Variants in HPSE2 observed in about 807,000 individuals in gnomAD.
The protein encoded by HPSE2 is inactive heparanase-2.
HPSE2 carries 38 observed loss-of-function variants against 60.5 expected under a neutral mutation model. The ratio of observed to expected loss-of-function variants is 0.63; its 90% CI spans 0.48 to 0.82. The LOEUF is 0.82. HPSE2 is among the 40% of genes least tolerant of loss of function. The pLI is 0.00. For synonymous variants in HPSE2, 295 were observed against 293.2 expected, an observed-to-expected ratio of 1.01 and a Z score of -0.06; for missense variants, 713 against 740.4, an observed-to-expected ratio of 0.96 and a Z score of 0.43.
At chr10:99,286,225 T>A in the HPSE2 span, among the ~76,000 whole-genome samples, 1 of 152,228 alleles carries the variant, frequency 6.6e-6, no homozygotes, top group Admixed American at 6.5e-5. Flanking sequence ...CCACTTGTTA[T>A]ATATCCAAAT....
At chr10:98,523,975 T>C (rs1463950300) in intron 9 of HPSE2, among the ~76,000 whole-genome samples, 1 of 152,218 alleles carries the variant, frequency 6.6e-6, no homozygotes, top group East Asian at 1.9e-4. Context: ...CATAATATCA[T>C]AAAAGATTTC....
At position 99,019,670 on chromosome 10, in the gene HPSE2, C is replaced by T. The variant is rs184627229; in HGVS notation, c.610+124568G>A. Among the ~76,000 whole-genome samples the T allele has an allele frequency of 3.5e-3, 534 of 151,956 alleles. 4 individuals carry two copies. Among genetic ancestry groups the T allele is most frequent in the South Asian group, 8.5e-3 (41 of 4,808 alleles). ...GTGGTTTTCCCCCTCTCAAATACAA[C>T]GGCAGGTGTATTCCTTTTCAAAGAA... is the stretch of plus-strand genomic sequence containing the variant. On this transcript the variant is annotated intron_variant, in intron 3 of 11. Coordinates refer to ENST00000370552, the MANE Select transcript of HPSE2 (RefSeq NM_021828.5).
intron 9 of HPSE2, among the ~76,000 whole-genome samples, chr10:98,608,711 T>C (rs911645028): frequency 6.6e-6 from 1 of 152,192 alleles, no homozygotes; most frequent in African/African-American, 2.4e-5. Context: ...AGGCTGCACA[T>C]GGTGAAATCT....
At chr10:98,508,082 AT>A (rs1942260558) in intron 9 of HPSE2, among the ~76,000 whole-genome samples, 1 of 152,204 alleles carries the variant, frequency 6.6e-6, no homozygotes, top group African/African-American at 2.4e-5. Context: ...ATAAAAAAAA[AT>A]CCAAAGGAAG....
intron 3 of HPSE2, among the ~76,000 whole-genome samples, chr10:99,116,220 T>C (rs1844683822): frequency 6.6e-6 from 1 of 151,946 alleles, no homozygotes; most frequent in Non-Finnish European, 1.5e-5. Flanking sequence ...CTGATCTAGA[T>C]TCAAACTCTA....
chr10:99,158,965 T>C (rs528316871), intron 2 of HPSE2, among the ~76,000 whole-genome samples: 50 of 152,242 alleles, frequency 3.3e-4, no homozygotes, highest in African/African-American at 1.2e-3. Context: ...AGAGAGACTG[T>C]CAGATTGAGT....
At chr10:98,558,286 C>T (rs1172491307) in intron 9 of HPSE2, among the ~76,000 whole-genome samples, 4 of 152,116 alleles carry the variant, frequency 2.6e-5, no homozygotes, top group Admixed American at 6.5e-5. Flanking sequence ...TAGAAATGTA[C>T]GTATATGTTT....
intron 3 of HPSE2, among the ~76,000 whole-genome samples, chr10:98,899,047 GA>G (rs1463357238): frequency 1.1e-4 from 16 of 152,110 alleles, no homozygotes; most frequent in African/African-American, 2.4e-4. Flanking sequence ...AAAACTACAG[GA>G]AAAACTTTGT....
intron 3 of HPSE2, among the ~76,000 whole-genome samples, chr10:98,850,854 T>A (rs1193809796): frequency 6.6e-6 from 1 of 151,430 alleles, no homozygotes; most frequent in Non-Finnish European, 1.5e-5. Context: ...AAATGAGAAA[T>A]ATCAGAGACA....
rs2054450968 is a variant in HPSE2, at chr10:98,813,136, A to G, written c.611-69080T>C. 2.0e-5 allele frequency among the ~76,000 whole-genome samples: 3 copies of G among 152,186 alleles called. No individual in the cohort carries two copies. The South Asian group carries it at 6.2e-4, about 32-fold the overall frequency. ...AAGGATATTTCTATTACCCCCAATG[A>G]CCTTGCTTTCTTCCTCCCAGGAAAA... On this transcript the variant is annotated intron_variant, in intron 3 of 11. Coordinates refer to ENST00000370552, the MANE Select transcript of HPSE2 (RefSeq NM_021828.5).
At chr10:98,850,722 G>T (rs1029143999) in intron 3 of HPSE2, among the ~76,000 whole-genome samples, 1 of 119,154 alleles carries the variant, frequency 8.4e-6, no homozygotes, top group African/African-American at 3.4e-5. Context: ...GGGTGACAGA[G>T]TGAGACTCCA....
At chr10:98,673,828 T>C (rs775226007) in intron 6 of HPSE2, among the ~76,000 whole-genome samples, 16 of 152,146 alleles carry the variant, frequency 1.1e-4, no homozygotes, top group Admixed American at 3.3e-4. Context: ...TGGACCACCA[T>C]TTACTACCTG....
chr10:98,720,341 G>A (rs1049108225), intron 5 of HPSE2, among the ~76,000 whole-genome samples: 2 of 151,904 alleles, frequency 1.3e-5, no homozygotes, highest in Non-Finnish European at 2.9e-5. Context: ...AACCAAATTT[G>A]GGGGATAAGA....
chr10:98,932,978 A>C (rs1245324685), intron 3 of HPSE2, among the ~76,000 whole-genome samples: 1 of 137,060 alleles, frequency 7.3e-6, no homozygotes, highest in Non-Finnish European at 1.6e-5. Context: ...CTATCTCCCG[A>C]GTTTGGTTAT....
In HPSE2 at chr10:98,936,084, A is replaced by T. The variant is rs1425745810; in HGVS notation, c.611-192028T>A. Among the ~76,000 whole-genome samples the T allele has an allele frequency of 4.2e-5, 6 of 144,308 alleles. 1 individual carries two copies. Among genetic ancestry groups the T allele is most frequent in the African/African-American group, 1.7e-4 (6 of 35,614 alleles). The allele number at this position is 144,308 out of a possible 152,430, so 94.7% of individuals were successfully genotyped here. A position where few individuals can be genotyped will look rare whatever the true frequency, so the allele number is the denominator to read the frequency against. Reference sequence around the variant, plus strand: ...GAATTCTGCCCAGTCCAAACCTCCCAGTCTCCTTAGCCCTCTCAGGGGAAA... The same window carrying T: ...GAATTCTGCCCAGTCCAAACCTCCCTGTCTCCTTAGCCCTCTCAGGGGAAA... On this transcript the variant is annotated intron_variant, in intron 3 of 11. Coordinates refer to ENST00000370552, the MANE Select transcript of HPSE2 (RefSeq NM_021828.5).
chr10:99,067,944 C>T (rs2862508), intron 3 of HPSE2, among the ~76,000 whole-genome samples: 72,176 of 151,960 alleles, frequency 0.47, 19,489 homozygotes, highest in Non-Finnish European at 0.61. Flanking sequence ...ATTTCTTTTG[C>T]CAGATACCCT....
chr10:98,751,433 C>A (rs11189797), intron 3 of HPSE2, among the ~76,000 whole-genome samples: 72 of 152,284 alleles, frequency 4.7e-4, no homozygotes, highest in Non-Finnish European at 7.9e-4. Context: ...CAATACTGTT[C>A]TTTTCTTAAT....
intron 9 of HPSE2, among the ~76,000 whole-genome samples, chr10:98,529,732 CTTTCT>C (rs1479088178): frequency 3.3e-5 from 5 of 152,188 alleles, no homozygotes; most frequent in Non-Finnish European, 4.4e-5. Context: ...GGAAGCTCTC[CTTTCT>C]TATTACCACC....
At chr10:99,160,921 G>C (rs1043199944) in intron 2 of HPSE2, among the ~76,000 whole-genome samples, 1 of 85,272 alleles carries the variant, frequency 1.2e-5, no homozygotes, top group African/African-American at 3.2e-5. Context: ...AAAAAAAAAA[G>C]ATTTCTACAT....
Sources: allele counts gnomAD v4.1 joint callset (sites outside exome capture counted in the v4.1 genomes callset), GRCh38; gene constraint gnomAD v4.1.1; transcripts MANE v1.5; gene names NCBI Gene and HGNC (gene_info 2026-07-23, HGNC 2026-07-21).